Variants in SLC25A48 observed in about 807,000 individuals in gnomAD.
The protein encoded by SLC25A48 is solute carrier family 25 member 48.
A neutral mutation model predicts 32.2 loss-of-function variants in SLC25A48; 29 were observed. The ratio of observed to expected loss-of-function variants is 0.90; its 90% CI spans 0.67 to 1.23. SLC25A48 has a LOEUF of 1.23. SLC25A48 is among the 50% of genes most tolerant of loss of function. The pLI is 0.00. For missense variants in SLC25A48, 399 were observed against 422.7 expected (o/e 0.94, Z 0.49); for synonymous variants, 164 against 172.3 (o/e 0.95, Z 0.38).
At chr5:135,689,472 T>C (rs376179025) in intron 3 of SLC25A48, among the ~76,000 whole-genome samples, 34 of 152,320 alleles carry the variant, frequency 2.2e-4, no homozygotes, top group African/African-American at 7.2e-4. Context: ...CATTGTTGAA[T>C]AAGTGTCTAA....
chr5:135,708,145 T>C (rs907921210), intron 3 of SLC25A48, among the ~76,000 whole-genome samples: 25 of 152,210 alleles, frequency 1.6e-4, no homozygotes, highest in Admixed American at 3.9e-4. Flanking sequence ...ATTCTATTCG[T>C]GAGCCCCCTT....
At chr5:135,708,087 T>C (rs1424199261) in intron 3 of SLC25A48, among the ~76,000 whole-genome samples, 1 of 152,172 alleles carries the variant, frequency 6.6e-6, no homozygotes, top group African/African-American at 2.4e-5. Context: ...CACTGTGACA[T>C]GCACCCGCCA....
intron 2 of SLC25A48, among the ~76,000 whole-genome samples, chr5:135,631,365 T>C (rs1175626622): frequency 6.6e-6 from 1 of 152,226 alleles, no homozygotes; most frequent in African/African-American, 2.4e-5. Context: ...GTGCGCAGGT[T>C]ATGCTCTAAC....
intron 3 of SLC25A48, among the ~76,000 whole-genome samples, chr5:135,797,600 G>A (rs28819982): frequency 0.012 from 1,821 of 151,894 alleles, 37 homozygotes; most frequent in African/African-American, 0.041. Flanking sequence ...GTATCCAGGG[G>A]GAGAGAGGGT....
rs150222432 is a variant in SLC25A48 at position 135,644,044 on chromosome 5, T to G, written c.-521+9088T>G. On this transcript the variant is annotated intron_variant, in intron 3 of 10. Transcript: ENST00000646290. ...AGATACTTTAATCTAGTTCTTATGA[T>G]AAGCATTTGATGTTACACACTGTGC... 4.1e-3 allele frequency among the ~76,000 whole-genome samples: 618 copies of G among 152,308 alleles called. 1 individual carries two copies. The highest frequency in any genetic ancestry group is 6.2e-3 in the Non-Finnish European group (420 of 68,018).
intron 1 of SLC25A48, among the ~76,000 whole-genome samples, chr5:135,628,752 A>G (rs1752494478): frequency 6.6e-6 from 1 of 152,118 alleles, no homozygotes; most frequent in Non-Finnish European, 1.5e-5. Flanking sequence ...TAGGACAAAT[A>G]CAAGAGGAGC....
intron 3 of SLC25A48, among the ~76,000 whole-genome samples, chr5:135,730,412 G>A (rs1031092422): frequency 3.9e-5 from 6 of 152,096 alleles, no homozygotes; most frequent in African/African-American, 9.7e-5. Flanking sequence ...TTTGCCTGCC[G>A]CCACCCACTT....
At chr5:135,646,659 T>TAATATATATATATATATATATATATA (rs1752965436) in intron 3 of SLC25A48, among the ~76,000 whole-genome samples, 1 of 125,400 alleles carries the variant, frequency 8.0e-6, no homozygotes, top group Non-Finnish European at 1.7e-5. Flanking sequence ...TAATTTCCCA[T>TAATATATATATATATATATATATATA]TATATATATA....
chr5:135,689,222 T>C (rs1754088422), intron 3 of SLC25A48, among the ~76,000 whole-genome samples: 1 of 152,138 alleles, frequency 6.6e-6, no homozygotes, highest in East Asian at 1.9e-4. Flanking sequence ...GACCTATCAG[T>C]CCCTTCTGTT....
intron 3 of SLC25A48, among the ~76,000 whole-genome samples, chr5:135,783,974 T>C (rs1306793205): frequency 1.7e-5 from 2 of 118,144 alleles, no homozygotes; most frequent in East Asian, 4.3e-4. Context: ...GGGAAAAGGA[T>C]GATATTGCTC....
intron 3 of SLC25A48, among the ~76,000 whole-genome samples, chr5:135,794,278 GA>G (rs1215555293): frequency 6.6e-6 from 1 of 151,412 alleles, no homozygotes; most frequent in East Asian, 1.9e-4. Flanking sequence ...TATTGCGGGG[GA>G]TATCCTTTGT....
intron 3 of SLC25A48, among the ~76,000 whole-genome samples, chr5:135,790,481 A>C (rs577188439): frequency 1.3e-4 from 20 of 150,678 alleles, no homozygotes; most frequent in Non-Finnish European, 2.2e-4. Flanking sequence ...GGGGGATGTT[A>C]CTTCTAATGT....
At chr5:135,850,800 G>A (rs936586243) in intron 3 of SLC25A48, among the ~76,000 whole-genome samples, 1 of 152,204 alleles carries the variant, frequency 6.6e-6, no homozygotes, top group Non-Finnish European at 1.5e-5. Context: ...TGATGGCTCA[G>A]TTTTTCACAA....
intron 1 of SLC25A48, among the ~76,000 whole-genome samples, chr5:135,612,112 A>G (rs1752086914): frequency 6.6e-6 from 1 of 152,274 alleles, no homozygotes; most frequent in South Asian, 2.1e-4. Flanking sequence ...ATTGTCTAAC[A>G]TATAAAATAC....
intron 3 of SLC25A48, among the ~76,000 whole-genome samples, chr5:135,790,708 G>T (rs1580883564): frequency 6.6e-6 from 1 of 151,862 alleles, no homozygotes; most frequent in Non-Finnish European, 1.5e-5. Flanking sequence ...CACAGTGGGT[G>T]TACACTATGT....
chr5:135,746,580 C>G (rs1755647744), intron 3 of SLC25A48, among the ~76,000 whole-genome samples: 1 of 152,164 alleles, frequency 6.6e-6, no homozygotes, highest in African/African-American at 2.4e-5. Flanking sequence ...CACGCGTGAA[C>G]CTTGGGCGGA....
chr5:135,705,406 G>A (rs1754484366), intron 3 of SLC25A48, among the ~76,000 whole-genome samples: 1 of 152,228 alleles, frequency 6.6e-6, no homozygotes, highest in Non-Finnish European at 1.5e-5. Context: ...TTAAAGTGGG[G>A]ATAGTAACAT....
chr5:135,845,113 A>C (rs1470234785), intron 2 of SLC25A48, among the ~76,000 whole-genome samples: 1 of 152,218 alleles, frequency 6.6e-6, no homozygotes, highest in South Asian at 2.1e-4. Context: ...GTCCAAAACC[A>C]AGGTGTTGAT....
At chr5:135,713,076 C>A in intron 3 of SLC25A48, among the ~76,000 whole-genome samples, 1 of 152,200 alleles carries the variant, frequency 6.6e-6, no homozygotes, top group South Asian at 2.1e-4. Context: ...TCAGCATTAA[C>A]CTAAGAACTT....
Sources: allele counts gnomAD v4.1 joint callset (sites outside exome capture counted in the v4.1 genomes callset), GRCh38; gene constraint gnomAD v4.1.1; transcripts MANE v1.5; gene names NCBI Gene and HGNC (gene_info 2026-07-23, HGNC 2026-07-21).